ZNF782: variants seen among roughly 807,000 people sequenced by gnomAD.
ZNF782 encodes zinc finger protein 782.
ZNF782 carries 12 observed loss-of-function variants against 13.0 expected under a neutral mutation model. The ratio of observed to expected loss-of-function variants is 0.92; its 90% CI spans 0.59 to 1.50. The LOEUF (loss-of-function observed/expected upper bound fraction) is 1.50. ZNF782 is among the 40% of genes most tolerant of loss of function. ZNF782 has a pLI of 0.00. For missense variants in ZNF782, 770 were observed against 822.9 expected, an observed-to-expected ratio of 0.94 and a Z score of 0.79; for synonymous variants, 284 against 283.0, an observed-to-expected ratio of 1.00 and a Z score of -0.04.
upstream of ZNF782, among the ~76,000 whole-genome samples, chr9:96,854,911 AT>A (rs141320656): frequency 7.3e-5 from 11 of 151,188 alleles, no homozygotes; most frequent in Non-Finnish European, 7.4e-5. Flanking sequence ...TTTTGTAGAA[AT>A]TTTTTTTTTA....
upstream of ZNF782, among the ~76,000 whole-genome samples, chr9:96,880,397 G>C (rs1851948013): frequency 6.6e-6 from 1 of 152,134 alleles, no homozygotes; most frequent in Non-Finnish European, 1.5e-5. Context: ...TAGCCATCAA[G>C]TGTGATGCTA....
the ZNF782 span, among the ~76,000 whole-genome samples, chr9:96,905,831 G>A: frequency 4.6e-5 from 7 of 152,266 alleles, no homozygotes; most frequent in South Asian, 4.1e-4. Flanking sequence ...TGATCCACCC[G>A]CCTCGGCCTC....
intron 4 of ZNF782, among the ~76,000 whole-genome samples, chr9:96,829,491 T>A (rs1850730252): frequency 6.6e-6 from 1 of 152,130 alleles, no homozygotes; most frequent in African/African-American, 2.4e-5. Context: ...CTGATGAAAC[T>A]GGAAGAATAA....
At chr9:96,879,444 G>A (rs529598725), upstream of ZNF782, among the ~76,000 whole-genome samples, 6 of 152,256 alleles carry the variant, frequency 3.9e-5, no homozygotes, top group South Asian at 4.1e-4. Flanking sequence ...CAGAGCTTGC[G>A]GTGAGCCCAG....
intron 5 of ZNF782, among the ~76,000 whole-genome samples, chr9:96,820,542 C>CTTTTTTTTTTTT (rs375716425): frequency 7.3e-6 from 1 of 137,758 alleles, no homozygotes; most frequent in Non-Finnish European, 1.6e-5. Context: ...AATAGTGAAT[C>CTTTTTTTTTTTT]TTTTTTTTTT....
intron 4 of ZNF782, among the ~76,000 whole-genome samples, chr9:96,832,141 T>C (rs1850824994): frequency 6.6e-6 from 1 of 152,140 alleles, no homozygotes; most frequent in Non-Finnish European, 1.5e-5. Flanking sequence ...GAGTATACCA[T>C]TTAATGTAGT....
At chr9:96,915,197 A>G in the ZNF782 span, among the ~76,000 whole-genome samples, 1 of 152,070 alleles carries the variant, frequency 6.6e-6, no homozygotes, top group Non-Finnish European at 1.5e-5. Context: ...ATGTCTTCTT[A>G]AAGTAGAATC....
At chr9:96,914,548 T>G in the ZNF782 span, among the ~76,000 whole-genome samples, 3 of 147,172 alleles carry the variant, frequency 2.0e-5, no homozygotes, top group Middle Eastern at 6.6e-3. Context: ...TTAGAAAATG[T>G]TTCTCAGGTG....
At chr9:96,837,314 A>G (rs1404002615) in intron 4 of ZNF782, among the ~76,000 whole-genome samples, 1 of 152,114 alleles carries the variant, frequency 6.6e-6, no homozygotes, top group Non-Finnish European at 1.5e-5. Context: ...TGTCTCTTTC[A>G]TTTAGGTTAA....
chr9:96,924,881 T>C, the ZNF782 span, among the ~76,000 whole-genome samples: 1 of 152,222 alleles, frequency 6.6e-6, no homozygotes, highest in Non-Finnish European at 1.5e-5. Flanking sequence ...GAGCGCGGCC[T>C]GGGCGTCCCG....
chr9:96,931,571 A>C, the ZNF782 span: 2 of 679,272 alleles, frequency 2.9e-6, no homozygotes, highest in African/African-American at 3.7e-5. Flanking sequence ...GCCGTGGAGG[A>C]ACAGAGCATC....
intron 1 of ZNF782, among the ~76,000 whole-genome samples, chr9:96,867,941 C>A (rs1272580540): frequency 6.6e-6 from 1 of 152,170 alleles, no homozygotes; most frequent in East Asian, 1.9e-4. Context: ...TAGTAGCTCA[C>A]TGTGATATTT....
Position 96,817,901 on chromosome 9 carries a change from C to A in ZNF782, c.*22G>T. 1 of 1,520,106 alleles carries A rather than the reference C, an allele frequency of 6.6e-7. No homozygotes were observed. The highest frequency in any genetic ancestry group is 8.8e-7 in the Non-Finnish European group (1 of 1,138,030). The allele number at this position is 1,520,106 out of a possible 1,614,324, so 94.2% of individuals were successfully genotyped here. A position where few individuals can be genotyped will look rare whatever the true frequency, so the allele number is the denominator to read the frequency against. On this transcript the variant is annotated 3_prime_UTR_variant, in exon 6 of 6. Transcript: ENST00000481138. The stretch of plus-strand genomic sequence containing the variant: ...TTTGATTTCCAGCTCAGAGTTTTTT[C>A]GTATTCTTTATATGCATACATTTAA...
the ZNF782 span, among the ~76,000 whole-genome samples, chr9:96,886,175 C>G: frequency 1.4e-5 from 2 of 147,294 alleles, no homozygotes; most frequent in Non-Finnish European, 3.0e-5. Flanking sequence ...AACCCTGGAG[C>G]TGGAAGAAAG....
intron 1 of ZNF782, among the ~76,000 whole-genome samples, chr9:96,874,783 C>G (rs1214271735): frequency 1.3e-5 from 2 of 152,174 alleles, no homozygotes; most frequent in African/African-American, 4.8e-5. Flanking sequence ...CTGCTTTGCT[C>G]TACAGTGAAA....
At chr9:96,842,414 A>G (rs1851214906) in intron 4 of ZNF782, among the ~76,000 whole-genome samples, 1 of 152,052 alleles carries the variant, frequency 6.6e-6, no homozygotes, top group Admixed American at 6.6e-5. Context: ...ATGTGGGAAT[A>G]TAATAGTCTC....
the ZNF782 span, chr9:96,893,819 T>C: frequency 6.9e-6 from 1 of 143,926 alleles, no homozygotes; most frequent in African/African-American, 2.9e-5. Context: ...GCTAGCACGG[T>C]GAAACCCCTT....
intron 4 of ZNF782, among the ~76,000 whole-genome samples, chr9:96,827,496 ATTTTTTAAAGT>A (rs1440050766): frequency 6.6e-6 from 1 of 152,028 alleles, no homozygotes; most frequent in Admixed American, 6.6e-5. Context: ...TACCCGGCTA[ATTTTTTAAAGT>A]TTTTTTGTAA....
At chr9:96,881,945 A>G in the ZNF782 span, among the ~76,000 whole-genome samples, 11 of 152,052 alleles carry the variant, frequency 7.2e-5, no homozygotes, top group Admixed American at 4.6e-4. Flanking sequence ...GTTAATTTAC[A>G]CAAGAGCTTG....
Sources: allele counts gnomAD v4.1 joint callset (sites outside exome capture counted in the v4.1 genomes callset), GRCh38; gene constraint gnomAD v4.1.1; transcripts MANE v1.5; gene names NCBI Gene and HGNC (gene_info 2026-07-23, HGNC 2026-07-21).